The following CCDC93 variants were observed in gnomAD, a reference collection of about 807,000 sequenced individuals.
The protein encoded by CCDC93 is CCC complex scaffolding subunit CCDC93.
A neutral mutation model predicts 108.2 loss-of-function variants in CCDC93; 61 were observed. That is an observed-to-expected ratio of 0.56 (90% CI 0.46 to 0.70). CCDC93 has a LOEUF of 0.70. Ranked by LOEUF, CCDC93 falls within the 30% of genes least tolerant of loss-of-function variation. The pLI is 0.00. For synonymous variants in CCDC93, 276 were observed against 260.4 expected (o/e 1.06, Z -0.58); for missense variants, 685 against 764.2 (o/e 0.90, Z 1.22).
At chr2:117,938,685 T>C (rs571398012) in intron 20 of CCDC93, among the ~76,000 whole-genome samples, 1 of 152,272 alleles carries the variant, frequency 6.6e-6, no homozygotes, top group South Asian at 2.1e-4. Context: ...CTGTAAACTA[T>C]AACAAGCCCA....
At chr2:117,966,850 T>C (rs980191088) in intron 11 of CCDC93, among the ~76,000 whole-genome samples, 1 of 152,244 alleles carries the variant, frequency 6.6e-6, no homozygotes, top group African/African-American at 2.4e-5. Flanking sequence ...GTGCCAGAAT[T>C]TCTTAATTGC....
chr2:117,967,809 G>A (rs1365666646), intron 11 of CCDC93, among the ~76,000 whole-genome samples: 1 of 152,178 alleles, frequency 6.6e-6, no homozygotes, highest in Admixed American at 6.5e-5. Flanking sequence ...TTACAAACAA[G>A]AGTAAAGGTG....
At chr2:117,947,512 T>C (rs1678909700) in intron 15 of CCDC93, among the ~76,000 whole-genome samples, 1 of 152,168 alleles carries the variant, frequency 6.6e-6, no homozygotes, top group Non-Finnish European at 1.5e-5. Context: ...TTTTGTATGA[T>C]GTTACCCTTT....
At chr2:117,926,169 A>G (rs1189966516) in intron 23 of CCDC93, among the ~76,000 whole-genome samples, 1 of 152,226 alleles carries the variant, frequency 6.6e-6, no homozygotes, top group African/African-American at 2.4e-5. Flanking sequence ...GAAAGCAGGA[A>G]AGATCTAAAA....
At chr2:118,009,733 A>G (rs1443932601) in intron 1 of CCDC93, among the ~76,000 whole-genome samples, 11 of 152,180 alleles carry the variant, frequency 7.2e-5, no homozygotes, top group African/African-American at 1.9e-4. Context: ...CAGGCATAGA[A>G]ATGAAGAAGG....
At chr2:118,011,272 A>G (rs1677014154) in intron 1 of CCDC93, among the ~76,000 whole-genome samples, 1 of 152,244 alleles carries the variant, frequency 6.6e-6, no homozygotes, top group South Asian at 2.1e-4. Context: ...TAGTTAATAC[A>G]GAATTATTAA....
At chr2:117,930,491 G>A (rs1678289696) in intron 23 of CCDC93, among the ~76,000 whole-genome samples, 1 of 152,196 alleles carries the variant, frequency 6.6e-6, no homozygotes, top group South Asian at 2.1e-4. Flanking sequence ...GAGGTGCCAG[G>A]CCTGGTGCTG....
intron 7 of CCDC93, among the ~76,000 whole-genome samples, chr2:117,985,120 T>C (rs557637427): frequency 2.4e-4 from 35 of 146,034 alleles, no homozygotes; most frequent in Admixed American, 4.8e-4. Context: ...TAGTTTTTAT[T>C]CTTAGGAAGA....
At chr2:117,995,685 C>T in intron 5 of CCDC93, 183 bp from the exon 6 acceptor site, 1 of 587,348 alleles carries the variant, frequency 1.7e-6, no homozygotes, top group South Asian at 2.0e-5. Context: ...CTGCAGATGG[C>T]TCCAACATAG....
At chr2:117,950,001 C>T in intron 13 of CCDC93, 1 of 985,414 alleles carries the variant, frequency 1.0e-6, no homozygotes, top group Non-Finnish European at 1.2e-6. Flanking sequence ...AACACAAGAG[C>T]TGGTGCTTAA....
chr2:117,973,720 T>C (rs190101549), intron 11 of CCDC93, among the ~76,000 whole-genome samples, 188 bp downstream of exon 11: 2 of 152,292 alleles, frequency 1.3e-5, no homozygotes, highest in Non-Finnish European at 2.9e-5. Context: ...CAGGACAAAA[T>C]TAATTTAACT....
chr2:117,978,779 G>A (rs769662582), intron 7 of CCDC93, among the ~76,000 whole-genome samples: 3 of 152,184 alleles, frequency 2.0e-5, no homozygotes, highest in South Asian at 2.1e-4. Context: ...AGGCTGAGGC[G>A]GGCCTATCAC....
intron 6 of CCDC93, among the ~76,000 whole-genome samples, chr2:117,986,620 A>G (rs1680327457): frequency 6.6e-6 from 1 of 152,144 alleles, no homozygotes; most frequent in African/African-American, 2.4e-5. Flanking sequence ...ATTTTATTTT[A>G]ATTGGAATTG....
intron 6 of CCDC93, among the ~76,000 whole-genome samples, chr2:117,989,693 T>C (rs1680419283): frequency 6.6e-6 from 1 of 152,250 alleles, no homozygotes; most frequent in African/African-American, 2.4e-5. Flanking sequence ...TGGTTTTCCA[T>C]CTGCATATTA....
intron 13 of CCDC93, 131 bp downstream of exon 13, chr2:117,952,242 G>T: frequency 1.4e-6 from 1 of 716,956 alleles, no homozygotes. Flanking sequence ...TCCTCAAAAT[G>T]ACTGCAGCCT....
At position 117,977,981 on chromosome 2, in the gene CCDC93, A is replaced by G; in HGVS notation, c.657+13T>C. 1 of 1,611,918 alleles carries G rather than the reference A, an allele frequency of 6.2e-7. No individual in the cohort carries two copies. The highest frequency in any genetic ancestry group is 8.5e-7 in the Non-Finnish European group (1 of 1,178,082). On this transcript the variant is annotated intron_variant, in intron 8 of 23. Transcript: ENST00000376300. ...TCTCAAGTATTCTCTCTTACTATCA[A>G]TGTTTTTCTTACCTTCTCCATTTTG...
intron 23 of CCDC93, 53 bp from the exon 24 acceptor site, chr2:117,920,449 G>A (rs909542423): frequency 2.3e-6 from 3 of 1,296,000 alleles, no homozygotes; most frequent in African/African-American, 2.9e-5. Context: ...TAGCACCCAT[G>A]TGAGGCCAAG....
intron 23 of CCDC93, among the ~76,000 whole-genome samples, chr2:117,924,425 A>C (rs1678002647): frequency 6.6e-6 from 1 of 152,236 alleles, no homozygotes; most frequent in South Asian, 2.1e-4. Context: ...AATGCAGAGA[A>C]GTCCTTAAAG....
intron 3 of CCDC93, among the ~76,000 whole-genome samples, chr2:118,006,061 C>T (rs1436551250): frequency 6.6e-6 from 1 of 152,128 alleles, no homozygotes; most frequent in Non-Finnish European, 1.5e-5. Flanking sequence ...CATTTTCCCA[C>T]CATTATTGCT....
Sources: allele counts gnomAD v4.1 joint callset (sites outside exome capture counted in the v4.1 genomes callset), GRCh38; gene constraint gnomAD v4.1.1; transcripts MANE v1.5; gene names NCBI Gene and HGNC (gene_info 2026-07-23, HGNC 2026-07-21).